Variants in SLC25A20 observed in about 807,000 individuals in gnomAD.
SLC25A20 encodes mitochondrial carnitine/acylcarnitine carrier protein.
A neutral mutation model predicts 39.7 loss-of-function variants in SLC25A20; 29 were observed. The observed-to-expected ratio is 0.73, with a 90% CI of 0.54 to 1.00. SLC25A20 has a LOEUF of 1.00. Ranked by LOEUF, SLC25A20 falls within the 50% of genes least tolerant of loss-of-function variation. SLC25A20 has a pLI of 0.00. For missense variants in SLC25A20, 333 were observed against 379.9 expected (o/e 0.88, Z 1.03); for synonymous variants, 103 against 142.2 (o/e 0.72, Z 1.96).
At chr3:48,893,989 T>C (rs140541168) in intron 1 of SLC25A20, among the ~76,000 whole-genome samples, 30 of 151,202 alleles carry the variant, frequency 2.0e-4, no homozygotes, top group African/African-American at 6.5e-4. Context: ...GGCAAAACCC[T>C]GTCTCCACTA....
At chr3:48,897,766 T>C (rs1342033555) in intron 1 of SLC25A20, among the ~76,000 whole-genome samples, 1 of 152,076 alleles carries the variant, frequency 6.6e-6, no homozygotes, top group African/African-American at 2.4e-5. Context: ...CCCCCTCACA[T>C]GGGCTTCCAA....
At position 48,884,016 on chromosome 3, in the gene SLC25A20, G is replaced by A. The variant is rs2083813014; in HGVS notation, c.307C>T (p.His103Tyr). The A allele has an allele frequency of 1.2e-6, 2 of 1,613,676 alleles. No individual in the cohort carries two copies. Among genetic ancestry groups the A allele is most frequent in the Admixed American group, 1.7e-5 (1 of 59,986 alleles). ...FGLGKKLQQK[H>Y]PEDVLSYPQL... is the part of the protein sequence containing the mutation. ...ACTCACCTGAGCACATCTTCTGGGT[G>A]TTTCTGTTGTAGTTTCTTCCCCAAA... The change falls in exon 3 of 9, where the codon CAC (histidine) becomes TAC (tyrosine). Residue 103 changes from histidine to tyrosine, a missense_variant. By Grantham distance (83) the His-to-Tyr change is moderately conservative (BLOSUM62 2). Transcript: ENST00000319017.
chr3:48,893,852 GA>G (rs978467478), intron 1 of SLC25A20, among the ~76,000 whole-genome samples: 7,646 of 69,246 alleles, frequency 0.11, 202 homozygotes, highest in Middle Eastern at 0.18. Context: ...CTTTAAAAAA[GA>G]AAAAAAAAAA....
rs138433512 is a variant in SLC25A20 at position 48,884,117 on chromosome 3, G to A, written c.206C>T (p.Thr69Met). The change falls in exon 3 of 9, where the codon ACG becomes ATG. Residue 69 changes from threonine (T) to methionine (M), a missense_variant. Coordinates refer to ENST00000319017, the MANE Select transcript of SLC25A20 (RefSeq NM_000387.6). ...FRKTLFREGITGLYRGMAAPI... is the reference protein window; with the variant it reads ...FRKTLFREGIMGLYRGMAAPI... ...GGCAGCCATTCCCCGATATAGCCCC[G>A]TGATGCCCTGCAAGGAATCACAGAA... 3.2e-5 allele frequency: 51 copies of A among 1,613,262 alleles called. No individual in the cohort carries two copies. The highest frequency in any genetic ancestry group is 4.5e-5 in the East Asian group (2 of 44,848).
chr3:48,864,468 CCTAATT>C (rs1263855269), intron 4 of SLC25A20, among the ~76,000 whole-genome samples: 2 of 150,394 alleles, frequency 1.3e-5, no homozygotes, highest in Non-Finnish European at 3.0e-5. Flanking sequence ...TAAAAAGAGT[CCTAATT>C]CTAGTTGGGA....
intron 3 of SLC25A20, among the ~76,000 whole-genome samples, chr3:48,879,890 C>A (rs966473091): frequency 1.3e-5 from 2 of 152,114 alleles, no homozygotes; most frequent in Non-Finnish European, 2.9e-5. Flanking sequence ...TAATCTCCCC[C>A]AGTAGTTCCC....
chr3:48,858,677 A>G, intron 7 of SLC25A20, 46 bp from the exon 8 acceptor site: 1 of 1,613,586 alleles, frequency 6.2e-7, no homozygotes, highest in Non-Finnish European at 8.5e-7. Flanking sequence ...AGGAGAAACT[A>G]GCAGTTAAGT....
At chr3:48,876,972 T>G (rs192714270) in intron 4 of SLC25A20, among the ~76,000 whole-genome samples, 25 of 151,928 alleles carry the variant, frequency 1.6e-4, no homozygotes, top group Non-Finnish European at 3.2e-4. Flanking sequence ...GGTGGGCGCC[T>G]GTAGTCCCAC....
intron 1 of SLC25A20, among the ~76,000 whole-genome samples, chr3:48,894,543 G>T (rs1330196834): frequency 6.6e-6 from 1 of 151,798 alleles, no homozygotes; most frequent in Non-Finnish European, 1.5e-5. Context: ...AAAGTGCCGG[G>T]ATTACAAGCA....
intron 4 of SLC25A20, among the ~76,000 whole-genome samples, chr3:48,866,446 C>A (rs1371701937): frequency 1.3e-5 from 2 of 151,388 alleles, no homozygotes; most frequent in African/African-American, 4.9e-5. Context: ...CCCAGCTACT[C>A]GGGAGGCTGA....
rs369333363 is a variant in SLC25A20 at position 48,876,550 on chromosome 3, C to G, written c.417+2808G>C. On this transcript the variant is annotated intron_variant, in intron 4 of 8. Transcript: ENST00000319017. ...AAGTGATTCTCCTGCCTCAGCCTCCCGAGTAGCTGGGATTACAAGCATGCA... is the reference window on the plus strand; with the variant it reads ...AAGTGATTCTCCTGCCTCAGCCTCCGGAGTAGCTGGGATTACAAGCATGCA... 1.5e-4 allele frequency among the ~76,000 whole-genome samples: 22 copies of G among 150,908 alleles called. 1 individual carries two copies. The highest frequency in any genetic ancestry group is 3.2e-3 in the Middle Eastern group (1 of 314).
chr3:48,878,269 A>AC (rs1453377262), intron 4 of SLC25A20, among the ~76,000 whole-genome samples: 1 of 63,588 alleles, frequency 1.6e-5, no homozygotes, highest in Non-Finnish European at 2.8e-5. Flanking sequence ...CCACAAAAAA[A>AC]AAAAATATAT....
At chr3:48,895,287 C>T (rs1227676726) in intron 1 of SLC25A20, among the ~76,000 whole-genome samples, 1 of 152,170 alleles carries the variant, frequency 6.6e-6, no homozygotes, top group African/African-American at 2.4e-5. Context: ...GGATTATAGG[C>T]GTGAGCCACC....
At position 48,859,198 on chromosome 3, in the gene SLC25A20, G is replaced by A. The variant is rs751873378; in HGVS notation, c.612C>T (p.Val204=). ...KNIFTPEGKR[V]SELSAPRILV... ...AGATCCGAGGGGCACTGAGCTCACT[G>A]ACCCTGTATAACACCAACCACAGCC... Residue 204 remains valine, a synonymous_variant, in exon 7 of 9, where the codon GTC becomes GTT. Coordinates refer to ENST00000319017, the MANE Select transcript of SLC25A20 (RefSeq NM_000387.6). 5 of 1,613,512 alleles carry A rather than the reference G, an allele frequency of 3.1e-6. No homozygotes were observed. Among genetic ancestry groups the A allele is most frequent in the Non-Finnish European group, 3.4e-6 (4 of 1,179,706 alleles).
intron 4 of SLC25A20, among the ~76,000 whole-genome samples, chr3:48,873,323 A>T (rs2106647142): frequency 6.6e-6 from 1 of 151,650 alleles, no homozygotes; most frequent in South Asian, 2.1e-4. Flanking sequence ...TCAAGACCGG[A>T]CTGGCGGCTG....
chr3:48,898,041 T>G (rs1356437568), intron 1 of SLC25A20, among the ~76,000 whole-genome samples: 2 of 152,198 alleles, frequency 1.3e-5, no homozygotes, highest in East Asian at 3.9e-4. Context: ...AGCTTCCTCA[T>G]CTGGGAGTTG....
intron 2 of SLC25A20, 50 bp downstream of exon 2, chr3:48,891,930 C>A (rs778597728): frequency 2.1e-6 from 3 of 1,423,420 alleles, no homozygotes; most frequent in Non-Finnish European, 3.0e-6. Flanking sequence ...AACAAATCAA[C>A]CCCGTGAATG....
intron 4 of SLC25A20, among the ~76,000 whole-genome samples, chr3:48,869,710 G>A (rs189273190): frequency 6.6e-6 from 1 of 152,170 alleles, no homozygotes; most frequent in East Asian, 1.9e-4. Flanking sequence ...CTAATAGGAG[G>A]CTGAGGCAGG....
chr3:48,882,334 C>T (rs760354754), intron 3 of SLC25A20, among the ~76,000 whole-genome samples: 1 of 152,076 alleles, frequency 6.6e-6, no homozygotes. Context: ...AAACTAATAC[C>T]TGAAATCTTT....
Sources: allele counts gnomAD v4.1 joint callset (sites outside exome capture counted in the v4.1 genomes callset), GRCh38; gene constraint gnomAD v4.1.1; transcripts MANE v1.5; gene names NCBI Gene and HGNC (gene_info 2026-07-23, HGNC 2026-07-21).